Variants in DCTPP1 observed in about 807,000 individuals in gnomAD.
DCTPP1 encodes the protein XTP3-transactivated gene A protein.
A neutral mutation model predicts 8.8 loss-of-function variants in DCTPP1; 8 were observed. The observed-to-expected ratio is 0.91, with a 90% CI of 0.54 to 1.64. The LOEUF (loss-of-function observed/expected upper bound fraction) is 1.64, where lower values mean the gene tolerates loss of function less well. Ranked by LOEUF, DCTPP1 falls within the 40% of genes most tolerant of loss-of-function variation. The pLI is 0.00. For synonymous variants in DCTPP1, 85 were observed against 92.1 expected (o/e 0.92, Z 0.44); for missense variants, 231 against 230.4 (o/e 1.00, Z -0.02).
intron 2 of DCTPP1, among the ~76,000 whole-genome samples, chr16:30,427,298 C>T (rs1356599019): frequency 1.3e-5 from 2 of 151,004 alleles, no homozygotes; most frequent in African/African-American, 4.9e-5. Flanking sequence ...GTGTGAGCCA[C>T]CCCGCCCAGC....
rs528805096 is a variant in DCTPP1 at position 30,423,664 on chromosome 16, C to T, written c.*569G>A. The T allele has an allele frequency of 6.5e-6, 1 of 152,970 alleles. No individual in the cohort carries two copies. Among genetic ancestry groups the T allele is most frequent in the South Asian group, 2.1e-4 (1 of 4,842 alleles). 9.5% of individuals were successfully genotyped at this position (152,970 alleles called of 1,614,324 possible). Reference sequence around the variant, plus strand: ...ACTATGTGCCAGGCCCCGCCCTGAGCATTCACATAACTCATTGAAACCTCA... The same window carrying T: ...ACTATGTGCCAGGCCCCGCCCTGAGTATTCACATAACTCATTGAAACCTCA... On this transcript the variant is annotated 3_prime_UTR_variant, in exon 3 of 3. Transcript: ENST00000319285.
At chr16:30,428,450 T>C (rs1054616243) in intron 2 of DCTPP1, among the ~76,000 whole-genome samples, 2 of 152,326 alleles carry the variant, frequency 1.3e-5, no homozygotes, top group Admixed American at 6.5e-5. Context: ...ACAGAATACC[T>C]TCCTTTCAGC....
chr16:30,427,730 A>T (rs2050202266), intron 2 of DCTPP1, among the ~76,000 whole-genome samples: 1 of 152,218 alleles, frequency 6.6e-6, no homozygotes, highest in African/African-American at 2.4e-5. Flanking sequence ...GCAGTGGTTC[A>T]ACCTGTAACC....
Position 30,424,165 on chromosome 16 carries a change from G to C in DCTPP1, c.*68C>G, listed in dbSNP as rs1406637722. On this transcript the variant is annotated 3_prime_UTR_variant, in exon 3 of 3. Coordinates refer to ENST00000319285, the MANE Select transcript of DCTPP1 (RefSeq NM_024096.2). The stretch of plus-strand genomic sequence containing the variant: ...TCTATTCTGAAAAGACTAGAAAAAG[G>C]CTCCAGGGCCAGGCCACTCTCTGCT... 1.9e-6 allele frequency: 3 copies of C among 1,548,776 alleles called. No homozygotes were observed. The highest frequency in any genetic ancestry group is 2.6e-6 in the Non-Finnish European group (3 of 1,147,036).
At chr16:30,429,267 C>G in intron 1 of DCTPP1, 100 bp from the exon 2 acceptor site, 1 of 1,149,172 alleles carries the variant, frequency 8.7e-7, no homozygotes, top group Admixed American at 2.3e-5. Flanking sequence ...GGGCCTGGGA[C>G]CAGGAGATTC....
At chr16:30,427,292 G>A (rs1006835683) in intron 2 of DCTPP1, among the ~76,000 whole-genome samples, 6 of 148,770 alleles carry the variant, frequency 4.0e-5, no homozygotes, top group African/African-American at 1.2e-4. Flanking sequence ...TTACAGGTGT[G>A]AGCCACCCCG....
Position 30,424,527 on chromosome 16 carries a change from CCACT to C in DCTPP1, c.215_218del (p.Gln72ArgfsTer34). 6.2e-7 allele frequency: 1 copy of C among 1,613,498 alleles called. No individual in the cohort carries two copies. The highest frequency in any genetic ancestry group is 8.5e-7 in the Non-Finnish European group (1 of 1,179,964). On this transcript the variant is annotated frameshift_variant and splice_region_variant, in exon 3 of 3. Coordinates refer to ENST00000319285, the MANE Select transcript of DCTPP1 (RefSeq NM_024096.2). LOFTEE classifies it high-confidence loss of function. The stretch of plus-strand genomic sequence containing the variant: ...GGGGGCCAGGTTCCCCATCGGTTTT[CCACT>C]GACTAGGGGCAGAACACAGACAGAC...
rs563861068 is a variant in DCTPP1 at position 30,430,025 on chromosome 16, A to C, written c.-45T>G. 7.1e-6 allele frequency: 10 copies of C among 1,412,162 alleles called. No individual in the cohort carries two copies. Among genetic ancestry groups the C allele is most frequent in the Non-Finnish European group, 8.3e-6 (9 of 1,077,934 alleles). 87.5% of individuals were successfully genotyped at this position (1,412,162 alleles called of 1,614,324 possible). On this transcript the variant is annotated 5_prime_UTR_variant, in exon 1 of 3. Transcript: ENST00000319285. ...CGACTTCACGGAAAACCCACGAGCC[A>C]CGCTCGAAGCCCCGCCTCCAGAGCT...
At chr16:30,427,986 C>A (rs1010268407) in intron 2 of DCTPP1, among the ~76,000 whole-genome samples, 1 of 152,132 alleles carries the variant, frequency 6.6e-6, no homozygotes, top group African/African-American at 2.4e-5. Context: ...CAGAGTGAGA[C>A]CTTTTCTCTT....
intron 2 of DCTPP1, among the ~76,000 whole-genome samples, chr16:30,426,966 G>A (rs976531493): frequency 6.6e-6 from 1 of 151,122 alleles, no homozygotes; most frequent in African/African-American, 2.4e-5. Flanking sequence ...CTCCCAAAGT[G>A]CTGGGATTAC....
intron 2 of DCTPP1, 142 bp from the exon 3 acceptor site, chr16:30,424,675 C>A: frequency 9.9e-7 from 1 of 1,008,814 alleles, no homozygotes; most frequent in Non-Finnish European, 1.4e-6. Flanking sequence ...GGAAGAGACC[C>A]CGACAGATGA....
chr16:30,426,936 G>A (rs1346424443), intron 2 of DCTPP1, among the ~76,000 whole-genome samples: 1 of 150,496 alleles, frequency 6.6e-6, no homozygotes, highest in Non-Finnish European at 1.5e-5. Flanking sequence ...CCTGACCTCA[G>A]GTGATCTGCC....
At chr16:30,428,762 G>A (rs1008553406) in intron 2 of DCTPP1, 7 of 416,932 alleles carry the variant, frequency 1.7e-5, no homozygotes, top group African/African-American at 1.2e-4. Flanking sequence ...GCGAGACCCC[G>A]TCTCAAAAAA....
At chr16:30,428,070 C>T (rs1405469019) in intron 2 of DCTPP1, among the ~76,000 whole-genome samples, 1 of 152,192 alleles carries the variant, frequency 6.6e-6, no homozygotes, top group African/African-American at 2.4e-5. Flanking sequence ...CTGGTGTCCC[C>T]TGCCCCATTC....
intron 1 of DCTPP1, 63 bp from the exon 2 acceptor site, chr16:30,429,230 A>G (rs2050211014): frequency 8.3e-6 from 13 of 1,561,194 alleles, no homozygotes; most frequent in Non-Finnish European, 1.1e-5. Flanking sequence ...CAGGGGCCAG[A>G]GGCAGCTACC....
intron 1 of DCTPP1, chr16:30,429,452 A>C (rs189828876): frequency 2.1e-5 from 9 of 422,148 alleles, no homozygotes; most frequent in African/African-American, 1.2e-4. Context: ...CTCCACCTGG[A>C]ATCGCCGCAC....
At chr16:30,429,458 C>T (rs1262187771) in intron 1 of DCTPP1, 4 of 415,732 alleles carry the variant, frequency 9.6e-6, no homozygotes. Flanking sequence ...CTGGAATCGC[C>T]GCACATCAAA....
chr16:30,428,184 T>A (rs1335915304), intron 2 of DCTPP1, among the ~76,000 whole-genome samples: 1 of 152,144 alleles, frequency 6.6e-6, no homozygotes, highest in Non-Finnish European at 1.5e-5. Context: ...CTAGCCCTAA[T>A]CATATCTTTG....
chr16:30,424,556 C>T (rs1322627804), intron 2 of DCTPP1, 23 bp from the exon 3 acceptor site: 7 of 1,608,018 alleles, frequency 4.4e-6, no homozygotes, highest in Admixed American at 1.7e-5. Flanking sequence ...CACAGACAGA[C>T]ACACACTCAG....
Sources: gnomAD v4.1 joint callset for allele counts (sites outside exome capture counted in the v4.1 genomes callset) on GRCh38, gnomAD v4.1.1 for gene constraint, MANE v1.5 for transcripts, NCBI Gene and HGNC (gene_info 2026-07-23, HGNC 2026-07-21) for gene names.